The following ARHGAP25 variants were observed in gnomAD, a reference collection of about 807,000 sequenced individuals.
The protein encoded by ARHGAP25 is rho GTPase-activating protein 25.
Under a neutral mutation model 71.0 loss-of-function variants are expected in ARHGAP25, and 34 were observed. The observed-to-expected ratio is 0.48, with a 90% confidence interval of 0.36 to 0.64. ARHGAP25 has a LOEUF of 0.64. Among genes scored for constraint, ARHGAP25 ranks in the 30% least tolerant of loss-of-function variants. The pLI, the probability that ARHGAP25 is intolerant of heterozygous loss-of-function variation, is 0.00. For missense variants in ARHGAP25, 706 were observed against 805.1 expected (o/e 0.88, Z 1.49); for synonymous variants, 282 against 296.5 (o/e 0.95, Z 0.50).
chr2:68,807,649 C>T (rs779251796), intron 5 of ARHGAP25, among the ~76,000 whole-genome samples, 169 bp downstream of exon 5: 9 of 152,128 alleles, frequency 5.9e-5, no homozygotes, highest in Non-Finnish European at 1.0e-4. Context: ...ATTTGGGAGA[C>T]GGGAGCACAG....
At chr2:68,741,743 A>G (rs1031320242) in intron 1 of ARHGAP25, among the ~76,000 whole-genome samples, 9 of 152,144 alleles carry the variant, frequency 5.9e-5, no homozygotes, top group African/African-American at 2.2e-4. Flanking sequence ...TGAGCATTGC[A>G]ATTTATCTAA....
intron 5 of ARHGAP25, among the ~76,000 whole-genome samples, chr2:68,808,664 C>G (rs1680556259): frequency 6.6e-6 from 1 of 152,208 alleles, no homozygotes; most frequent in Admixed American, 6.5e-5. Context: ...TAAACTGCAC[C>G]TTGTTATCAG....
In ARHGAP25 at chr2:68,807,380, G is replaced by A. The variant is rs1157912379; in HGVS notation, c.574G>A (p.Gly192Ser). The part of the protein sequence containing the change: ...EKCAEFILEH[G>S]RNEEGIFRLP... ...ATGTGCAGAGTTCATCCTGGAGCACGGCCGGAATGAAGAGGGCATCTTCCG... is the reference window on the plus strand; with the variant it reads ...ATGTGCAGAGTTCATCCTGGAGCACAGCCGGAATGAAGAGGGCATCTTCCG... The change falls in exon 5 of 11, where the codon GGC becomes AGC. Residue 192 changes from glycine (G) to serine (S), a missense_variant. Physicochemically the swap from Gly to Ser is moderately conservative, Grantham distance 56. Transcript: ENST00000409202. 1.9e-6 allele frequency: 3 copies of A among 1,614,214 alleles called. No individual in the cohort carries two copies. Among genetic ancestry groups the A allele is most frequent in the Non-Finnish European group, 2.5e-6 (3 of 1,180,044 alleles).
At chr2:68,787,032 TACTA>T (rs1193286008) in intron 3 of ARHGAP25, among the ~76,000 whole-genome samples, 5 of 152,218 alleles carry the variant, frequency 3.3e-5, no homozygotes, top group African/African-American at 4.8e-5. Context: ...TCAGATCTGA[TACTA>T]ACTAACTGCA....
intron 2 of ARHGAP25, among the ~76,000 whole-genome samples, chr2:68,717,702 CTA>C (rs1674647594): frequency 6.6e-6 from 1 of 152,180 alleles, no homozygotes; most frequent in African/African-American, 2.4e-5. Flanking sequence ...TGTATAAACA[CTA>C]TCCATAAAGC....
rs1263866594 is a variant in ARHGAP25 at position 68,813,306 on chromosome 2, G to C, written c.694G>C (p.Val232Leu). 1 of 1,613,616 alleles carries C rather than the reference G, an allele frequency of 6.2e-7. No homozygotes were observed. Among genetic ancestry groups the C allele is most frequent in the South Asian group, 1.1e-5 (1 of 91,040 alleles). ...SFDRDTDVHT[V>L]ASLLKLYLRD... ...TTCCAGAGACACAGATGTGCACACT[G>C]TGGCTTCCCTGTTAAAGCTCTACCT... The change falls in exon 6 of 11, where the codon GTG (valine) becomes CTG (leucine). Residue 232 changes from valine to leucine, a missense_variant. Transcript: ENST00000409202.
intron 1 of ARHGAP25, among the ~76,000 whole-genome samples, chr2:68,744,388 A>G (rs1314929026): frequency 6.6e-6 from 1 of 151,942 alleles, no homozygotes; most frequent in Non-Finnish European, 1.5e-5. Context: ...CGTTTTGCTC[A>G]TTTTTCTTCT....
intron 3 of ARHGAP25, among the ~76,000 whole-genome samples, chr2:68,783,276 G>A (rs1408729138): frequency 6.6e-6 from 1 of 152,050 alleles, no homozygotes; most frequent in Non-Finnish European, 1.5e-5. Flanking sequence ...GATTTAATAA[G>A]GAAATAAATA....
chr2:68,795,166 G>T (rs973884515), intron 4 of ARHGAP25, among the ~76,000 whole-genome samples: 39 of 151,252 alleles, frequency 2.6e-4, no homozygotes, highest in African/African-American at 9.2e-4. Flanking sequence ...TTTTTTTCTT[G>T]GTTAGTCTAG....
intron 1 of ARHGAP25, among the ~76,000 whole-genome samples, chr2:68,760,534 C>A (rs1269030051): frequency 1.3e-5 from 2 of 151,948 alleles, no homozygotes; most frequent in African/African-American, 4.8e-5. Flanking sequence ...CTTCTATACA[C>A]TAACAGTGAT....
intron 1 of ARHGAP25, among the ~76,000 whole-genome samples, chr2:68,752,261 A>T (rs1039285686): frequency 6.6e-6 from 1 of 152,256 alleles, no homozygotes; most frequent in African/African-American, 2.4e-5. Flanking sequence ...AAATTGTGGA[A>T]CATAAGTCAT....
intron 3 of ARHGAP25, among the ~76,000 whole-genome samples, chr2:68,786,331 G>C (rs187642307): frequency 2.0e-4 from 31 of 152,276 alleles, no homozygotes; most frequent in African/African-American, 7.2e-4. Context: ...TTTTGTCCAA[G>C]GTCAAATTTA....
At chr2:68,754,578 A>G (rs565030386) in intron 1 of ARHGAP25, among the ~76,000 whole-genome samples, 3 of 152,344 alleles carry the variant, frequency 2.0e-5, no homozygotes, top group Non-Finnish European at 4.4e-5. Context: ...ATAACGTTTT[A>G]TCTCTTTTGG....
chr2:68,737,836 T>C (rs368736199), intron 1 of ARHGAP25, among the ~76,000 whole-genome samples: 34 of 152,282 alleles, frequency 2.2e-4, no homozygotes, highest in African/African-American at 7.9e-4. Flanking sequence ...CTTTTTTTGA[T>C]GAGCTATGCT....
chr2:68,824,737 G>A (rs545778979), intron 10 of ARHGAP25, among the ~76,000 whole-genome samples: 218 of 150,452 alleles, frequency 1.4e-3, no homozygotes, highest in South Asian at 0.013. Flanking sequence ...GCGAGACTCC[G>A]TCTCAAAAAA....
chr2:68,728,503 A>AT (rs1283161554), intron 2 of ARHGAP25, among the ~76,000 whole-genome samples: 1 of 151,008 alleles, frequency 6.6e-6, no homozygotes, highest in African/African-American at 2.5e-5. Context: ...AAGAGAGATG[A>AT]TTTTTTAATA....
At position 68,821,002 on chromosome 2, in the gene ARHGAP25, A is replaced by C. The variant is rs540994629; in HGVS notation, c.1201-1338A>C. Among the ~76,000 whole-genome samples, 11 of 151,468 alleles carry C rather than the reference A, an allele frequency of 7.3e-5. No individual in the cohort carries two copies. The South Asian group carries it at 1.5e-3, about 20-fold the overall frequency. Reference sequence around the variant, plus strand: ...ATAAACAGCTACCTCATATGACCTCATGTTTTCTAGAGGTGTATAGTGTCC... The same window carrying C: ...ATAAACAGCTACCTCATATGACCTCCTGTTTTCTAGAGGTGTATAGTGTCC... On this transcript the variant is annotated intron_variant, in intron 9 of 10. Transcript: ENST00000409202.
Position 68,735,172 on chromosome 2 carries a change from C to A in ARHGAP25, c.-28C>A. On this transcript the variant is annotated 5_prime_UTR_variant, in exon 1 of 11. Transcript: ENST00000409202. ...AAACTGTGACAGACTCACCGCTTCA[C>A]TAACTACTCACTTAAACTGGAAGCA... is the stretch of plus-strand genomic sequence containing the variant. 6.3e-7 allele frequency: 1 copy of A among 1,598,734 alleles called. No individual in the cohort carries two copies. Among genetic ancestry groups the A allele is most frequent in the Non-Finnish European group, 8.6e-7 (1 of 1,166,176 alleles).
upstream of ARHGAP25, among the ~76,000 whole-genome samples, chr2:68,731,395 T>C (rs1675017040): frequency 6.6e-6 from 1 of 152,040 alleles, no homozygotes; most frequent in Non-Finnish European, 1.5e-5. Context: ...CTGTGTTGTT[T>C]TCCCTTCTTT....
Sources: gnomAD v4.1 joint callset for allele counts (sites outside exome capture counted in the v4.1 genomes callset) on GRCh38, gnomAD v4.1.1 for gene constraint, MANE v1.5 for transcripts, NCBI Gene and HGNC (gene_info 2026-07-23, HGNC 2026-07-21) for gene names.